Variants in AOPEP observed in about 807,000 individuals in gnomAD.
AOPEP encodes aminopeptidase O.
Under a neutral mutation model 98.1 loss-of-function variants are expected in AOPEP, and 77 were observed. That is an observed-to-expected ratio of 0.78 (90% CI 0.65 to 0.95). The LOEUF (loss-of-function observed/expected upper bound fraction) is 0.95. AOPEP is among the 40% of genes least tolerant of loss of function. The pLI, the probability that AOPEP is intolerant of heterozygous loss-of-function variation, is 0.00. For synonymous variants in AOPEP, 346 were observed against 365.3 expected (o/e 0.95, Z 0.60); for missense variants, 1,024 against 1,024.7 (o/e 1.00, Z 0.01).
intron 11 of AOPEP, among the ~76,000 whole-genome samples, chr9:95,000,791 T>C (rs2061512701): frequency 6.6e-6 from 1 of 152,222 alleles, no homozygotes; most frequent in Non-Finnish European, 1.5e-5. Flanking sequence ...TTTTTGAAAC[T>C]TAATCCAACC....
At chr9:95,038,396 G>C (rs1226833595) in intron 13 of AOPEP, among the ~76,000 whole-genome samples, 1 of 152,054 alleles carries the variant, frequency 6.6e-6, no homozygotes, top group Admixed American at 6.6e-5. Context: ...TTTTAAATCT[G>C]AATATAAACA....
intron 14 of AOPEP, among the ~76,000 whole-genome samples, chr9:95,073,053 G>A (rs1288289783): frequency 1.3e-5 from 2 of 152,198 alleles, no homozygotes; most frequent in African/African-American, 2.4e-5. Context: ...GGATTCCCAG[G>A]TGCCTGTCCC....
chr9:94,748,338 A>G (rs1269480688), intron 1 of AOPEP, among the ~76,000 whole-genome samples: 6 of 152,168 alleles, frequency 3.9e-5, no homozygotes. Context: ...TGATGTGCCT[A>G]GGTATGTTTT....
In AOPEP at chr9:95,087,045, A is replaced by G. The variant is rs1033353636; in HGVS notation, c.*368A>G. 4.3e-5 allele frequency: 30 copies of G among 701,848 alleles called. No individual in the cohort carries two copies. The highest frequency in any genetic ancestry group is 3.9e-4 in the African/African-American group (20 of 51,738). The allele number at this position is 701,848 out of a possible 1,614,324, so 43.5% of individuals were successfully genotyped here. A position where few individuals can be genotyped will look rare whatever the true frequency, so the allele number is the denominator to read the frequency against. On this transcript the variant is annotated 3_prime_UTR_variant, in exon 17 of 17. Transcript: ENST00000375315. Reference sequence around the variant, plus strand: ...CACATGGCTGGATGCGGATATTTCTATAATTCCAGAAAGTCACACAGCTCC... The same window carrying G: ...CACATGGCTGGATGCGGATATTTCTGTAATTCCAGAAAGTCACACAGCTCC...
intron 5 of AOPEP, among the ~76,000 whole-genome samples, chr9:94,860,241 CG>C (rs1330126840): frequency 6.6e-6 from 1 of 151,970 alleles, no homozygotes; most frequent in African/African-American, 2.4e-5. Flanking sequence ...TTGGAGGACC[CG>C]AAAGAAGTGT....
intron 5 of AOPEP, among the ~76,000 whole-genome samples, chr9:94,843,706 T>C (rs1250872870): frequency 2.6e-5 from 4 of 152,216 alleles, no homozygotes; most frequent in African/African-American, 9.6e-5. Context: ...ATCTCATCTA[T>C]TATTGCTCTA....
At chr9:95,063,584 C>T (rs1164820548) in intron 14 of AOPEP, among the ~76,000 whole-genome samples, 3 of 152,184 alleles carry the variant, frequency 2.0e-5, no homozygotes, top group South Asian at 4.1e-4. Context: ...CTGGTGGCCA[C>T]GAATCCGAAA....
chr9:95,087,574 G>A (rs1294052908), downstream of AOPEP, among the ~76,000 whole-genome samples: 1 of 131,704 alleles, frequency 7.6e-6, no homozygotes, highest in Non-Finnish European at 1.6e-5. Flanking sequence ...TAGTTTCTTT[G>A]TTGTTTTCAA....
intron 14 of AOPEP, among the ~76,000 whole-genome samples, chr9:95,063,796 G>C (rs2067563768): frequency 6.6e-6 from 1 of 152,100 alleles, no homozygotes; most frequent in Non-Finnish European, 1.5e-5. Flanking sequence ...CTTCTCCGGG[G>C]TGCTGCTTCA....
intron 5 of AOPEP, among the ~76,000 whole-genome samples, chr9:94,908,640 A>C (rs2051537247): frequency 6.6e-6 from 1 of 152,194 alleles, no homozygotes; most frequent in Admixed American, 6.5e-5. Context: ...AAAGCTTATC[A>C]AGAAGACAGT....
At chr9:95,082,456 G>A (rs2069923219) in intron 15 of AOPEP, 119 bp from the exon 16 acceptor site, 4 of 1,147,798 alleles carry the variant, frequency 3.5e-6, no homozygotes, top group East Asian at 5.2e-5. Flanking sequence ...CTTCTCTGGG[G>A]TCTTTGCAAT....
rs530395885 is a variant in AOPEP, at chr9:94,881,606, A to C, written c.1365-42380A>C. 4.6e-5 allele frequency among the ~76,000 whole-genome samples: 7 copies of C among 152,196 alleles called. No individual in the cohort carries two copies. The East Asian group carries it at 1.4e-3, about 29-fold the overall frequency. Reference sequence around the variant, plus strand: ...CAGTCATGTCTGTAACTTCCCATCCAGGTTTATGTTTTTTTAATTAAACTG... The same window carrying C: ...CAGTCATGTCTGTAACTTCCCATCCCGGTTTATGTTTTTTTAATTAAACTG... On this transcript the variant is annotated intron_variant, in intron 5 of 16. Transcript: ENST00000375315.
At chr9:94,931,465 C>T (rs1422544124) in intron 7 of AOPEP, among the ~76,000 whole-genome samples, 1 of 152,102 alleles carries the variant, frequency 6.6e-6, no homozygotes, top group African/African-American at 2.4e-5. Flanking sequence ...ATTATATAGT[C>T]TAGGTTTCGT....
chr9:95,042,616 T>C (rs930743150), intron 13 of AOPEP, among the ~76,000 whole-genome samples: 6 of 152,226 alleles, frequency 3.9e-5, no homozygotes, highest in Admixed American at 6.5e-5. Context: ...GAGAATCTAG[T>C]TCCTGGCCTT....
At chr9:95,115,896 G>T in the AOPEP span, among the ~76,000 whole-genome samples, 1 of 152,048 alleles carries the variant, frequency 6.6e-6, no homozygotes, top group Non-Finnish European at 1.5e-5. Context: ...CCCCTCTCCC[G>T]GCCTTCACAA....
intron 6 of AOPEP, among the ~76,000 whole-genome samples, chr9:94,925,964 T>C (rs2054252753): frequency 6.6e-6 from 1 of 152,240 alleles, no homozygotes; most frequent in African/African-American, 2.4e-5. Context: ...ACCTGTTCCC[T>C]TCCTCTTTGT....
chr9:94,942,732 A>G (rs1250026682), intron 7 of AOPEP, among the ~76,000 whole-genome samples: 1 of 152,186 alleles, frequency 6.6e-6, no homozygotes, highest in East Asian at 1.9e-4. Context: ...GTTTCGAGAT[A>G]TAGGATCAAC....
Position 95,082,733 on chromosome 9 carries a change from T to C in AOPEP, c.*4+14T>C, listed in dbSNP as rs1047763215. The C allele has an allele frequency of 1.2e-6, 2 of 1,613,680 alleles. No individual in the cohort carries two copies. The highest frequency in any genetic ancestry group is 3.3e-5 in the Admixed American group (2 of 59,982). ...TATTTTAACGAGGTGATTCTCTCCC[T>C]TTCCTTTCTGTCATTTAGTTCTAAC... On this transcript the variant is annotated intron_variant, in intron 16 of 16. Coordinates refer to ENST00000375315, the MANE Select transcript of AOPEP (RefSeq NM_001193329.3).
intron 7 of AOPEP, among the ~76,000 whole-genome samples, chr9:94,929,562 C>T (rs1031838228): frequency 6.6e-6 from 1 of 151,972 alleles, no homozygotes; most frequent in African/African-American, 2.4e-5. Context: ...TCCATTGTTT[C>T]GGAAAGGAGA....
Sources: allele counts gnomAD v4.1 joint callset (sites outside exome capture counted in the v4.1 genomes callset), GRCh38; gene constraint gnomAD v4.1.1; transcripts MANE v1.5; gene names NCBI Gene and HGNC (gene_info 2026-07-23, HGNC 2026-07-21).